Variants in IL13RA1 observed in about 807,000 individuals in gnomAD.
The protein encoded by IL13RA1 is interleukin-13 receptor subunit alpha-1.
In IL13RA1, 14 loss-of-function variants were observed where a neutral mutation model predicts 33.8. The observed-to-expected ratio is 0.41, with a 90% confidence interval of 0.27 to 0.65. The LOEUF (loss-of-function observed/expected upper bound fraction) is 0.65, where lower values mean the gene tolerates loss of function less well. Ranked by LOEUF, IL13RA1 falls within the 30% of genes least tolerant of loss-of-function variation. IL13RA1 has a pLI of 0.28. For synonymous variants in IL13RA1, 116 were observed against 115.7 expected (o/e 1.00, Z -0.02); for missense variants, 313 against 327.0 (o/e 0.96, Z 0.33).
rs773988218 is a variant in IL13RA1 at position 118,793,909 on chromosome X, G to T, written c.*2055G>T. The stretch of plus-strand genomic sequence containing the variant: ...AGGCTGGGAGACAGCCGTAGTAGAT[G>T]TTCTACTTTGTTCTGCTGTTCTCTA... On this transcript the variant is annotated 3_prime_UTR_variant, in exon 11 of 11. Coordinates refer to ENST00000371666, the MANE Select transcript of IL13RA1 (RefSeq NM_001560.3). 8.9e-6 allele frequency: 1 copy of T among 112,019 alleles called. No individual in the cohort carries two copies. The highest frequency in any genetic ancestry group is 2.8e-4 in the East Asian group (1 of 3,574). The allele number at this position is 112,019 out of a possible 1,213,427, so 9.2% of individuals were successfully genotyped here.
At chrX:118,737,093 G>C (rs775680661) in intron 1 of IL13RA1, among the ~76,000 whole-genome samples, 5 of 112,651 alleles carry the variant, frequency 4.4e-5, no homozygotes, top group Non-Finnish European at 9.4e-5. Flanking sequence ...CACAATGGCT[G>C]CCAGCCTCTT....
At chrX:118,788,492 T>C (rs746690954) in intron 10 of IL13RA1, among the ~76,000 whole-genome samples, 2 of 112,009 alleles carry the variant, frequency 1.8e-5, no homozygotes, top group Non-Finnish European at 3.8e-5. Flanking sequence ...GGCCCATTCA[T>C]TTATATATTG....
chrX:118,796,782 C>T (rs999131954), downstream of IL13RA1, among the ~76,000 whole-genome samples: 3 of 112,476 alleles, frequency 2.7e-5, no homozygotes, highest in Admixed American at 9.3e-5. Flanking sequence ...GTGATCCGCC[C>T]GCCTCGGCCT....
intron 8 of IL13RA1, chrX:118,770,126 G>A (rs12013400): frequency 0.014 from 3,729 of 266,389 alleles, 107 homozygotes; most frequent in African/African-American, 0.09. Context: ...CCCCTACTAC[G>A]TGCTGACCAA....
intron 10 of IL13RA1, among the ~76,000 whole-genome samples, chrX:118,778,439 A>G (rs1049422406): frequency 6.3e-5 from 7 of 111,444 alleles, no homozygotes; most frequent in African/African-American, 2.3e-4. Flanking sequence ...TGGAGCGAGT[A>G]TGATAGCTAT....
chrX:118,761,355 A>G, intron 6 of IL13RA1, 66 bp downstream of exon 6: 1 of 516,212 alleles, frequency 1.9e-6, no homozygotes, highest in Non-Finnish European at 3.1e-6. Flanking sequence ...TTACATTGAA[A>G]TATCAATGAA....
Position 118,758,225 on chromosome X carries a change from T to C in IL13RA1, c.659T>C (p.Val220Ala), listed in dbSNP as rs767032797. ...AGKIKPSFNI[V>A]PLTSRVKPDP... ...AAAATTAAACCATCCTTCAATATAG[T>C]GCCTTTAACTTCCCGTGGTAAGTTT... The change falls in exon 5 of 11, where the codon GTG (valine) becomes GCG (alanine). Residue 220 changes from valine (V) to alanine (A), a missense_variant. Transcript: ENST00000371666. The C allele has an allele frequency of 4.8e-6, 5 of 1,047,248 alleles. No individual in the cohort carries two copies. The highest frequency in any genetic ancestry group is 6.6e-6 in the Non-Finnish European group (5 of 761,342). The allele number at this position is 1,047,248 out of a possible 1,213,427, so 86.3% of individuals were successfully genotyped here. A position where few individuals can be genotyped will look rare whatever the true frequency, so the allele number is the denominator to read the frequency against.
chrX:118,753,604 G>A lies in IL13RA1; in HGVS notation c.488+3826G>A, dbSNP rs183202368. 7.9e-5 allele frequency among the ~76,000 whole-genome samples: 9 copies of A among 113,268 alleles called. No homozygotes were observed. The East Asian group carries it at 2.5e-3, about 31-fold the overall frequency. ...ACAGTTGGTGTGATCATTGCCCACT[G>A]CGGCTTCAACCACCCAGGCCCAAGC... is the stretch of plus-strand genomic sequence containing the variant. On this transcript the variant is annotated intron_variant, in intron 4 of 10. Transcript: ENST00000371666.
chrX:118,778,449 T>C (rs1437436622), intron 10 of IL13RA1, among the ~76,000 whole-genome samples: 2 of 111,445 alleles, frequency 1.8e-5, no homozygotes, highest in African/African-American at 6.5e-5. Flanking sequence ...ATGATAGCTA[T>C]GGTTCTCCAA....
intron 8 of IL13RA1, among the ~76,000 whole-genome samples, chrX:118,767,495 T>G (rs142493148): frequency 0.025 from 2,779 of 110,506 alleles, 88 homozygotes; most frequent in African/African-American, 0.086. Flanking sequence ...GAGCTGAGAT[T>G]GTGCCACTGC....
intron 10 of IL13RA1, among the ~76,000 whole-genome samples, chrX:118,784,077 CAAAAA>C (rs376419026): frequency 3.9e-5 from 1 of 25,342 alleles, no homozygotes; most frequent in African/African-American, 2.0e-4. Flanking sequence ...ACTCTGTCGC[CAAAAA>C]AAAAAAAAAT....
intron 8 of IL13RA1, among the ~76,000 whole-genome samples, chrX:118,767,658 C>T (rs1252124526): frequency 1.8e-5 from 2 of 111,584 alleles, no homozygotes; most frequent in African/African-American, 6.5e-5. Context: ...AAACCTGTAC[C>T]TAAGTTTGAA....
chrX:118,790,147 C>T (rs2017961257), intron 10 of IL13RA1, among the ~76,000 whole-genome samples: 1 of 111,856 alleles, frequency 8.9e-6, no homozygotes, highest in Non-Finnish European at 1.9e-5. Context: ...CCTTTGCAGT[C>T]AACCCCCTCT....
At chrX:118,744,590 A>G (rs2495618) in intron 2 of IL13RA1, among the ~76,000 whole-genome samples, 19 of 110,513 alleles carry the variant, frequency 1.7e-4, no homozygotes, top group African/African-American at 6.3e-4. Flanking sequence ...TTTAGTGGAG[A>G]CAGTGTTTTG....
the IL13RA1 span, among the ~76,000 whole-genome samples, chrX:118,800,425 C>T: frequency 2.7e-5 from 3 of 110,623 alleles, no homozygotes; most frequent in East Asian, 2.8e-4. Flanking sequence ...CCGGGAGGAA[C>T]GAAGAACTCC....
intron 1 of IL13RA1, among the ~76,000 whole-genome samples, chrX:118,740,649 C>T (rs2017332633): frequency 1.8e-5 from 2 of 111,841 alleles, no homozygotes; most frequent in African/African-American, 6.5e-5. Flanking sequence ...AAAAATTAGC[C>T]AGGCGTGGTG....
intron 4 of IL13RA1, among the ~76,000 whole-genome samples, chrX:118,752,052 G>A (rs1465840327): frequency 1.8e-5 from 2 of 110,457 alleles, no homozygotes; most frequent in Non-Finnish European, 3.8e-5. Flanking sequence ...GTGTGGTTAT[G>A]TCTGAGGTCT....
At chrX:118,789,993 A>C (rs1052021910) in intron 10 of IL13RA1, among the ~76,000 whole-genome samples, 8 of 111,925 alleles carry the variant, frequency 7.1e-5, no homozygotes, top group South Asian at 3.7e-4. Context: ...TTTAAAATCA[A>C]GTTTGAGGTG....
At chrX:118,776,596 A>T in intron 10 of IL13RA1, 85 bp downstream of exon 10, 1 of 426,245 alleles carries the variant, frequency 2.3e-6, no homozygotes. Flanking sequence ...AAGTGTGGTA[A>T]GGTATCCATA....
Sources: gnomAD v4.1 joint callset for allele counts (sites outside exome capture counted in the v4.1 genomes callset) on GRCh38, gnomAD v4.1.1 for gene constraint, MANE v1.5 for transcripts, NCBI Gene and HGNC (gene_info 2026-07-23, HGNC 2026-07-21) for gene names.